TBC1D17: variants seen among roughly 807,000 people sequenced by gnomAD.
TBC1D17 encodes the protein TBC1 domain family, member 17.
A neutral mutation model predicts 78.8 loss-of-function variants in TBC1D17; 69 were observed. The ratio of observed to expected loss-of-function variants is 0.88; its 90% CI spans 0.72 to 1.07. The LOEUF (loss-of-function observed/expected upper bound fraction) is 1.07. Ranked by LOEUF, TBC1D17 falls within the 50% of genes least tolerant of loss-of-function variation. The probability of loss-of-function intolerance (pLI) is 0.00; values close to 1 mark genes in which losing one functional copy is unlikely to be tolerated. For synonymous variants in TBC1D17, 456 were observed against 358.3 expected (o/e 1.27, Z -3.08); for missense variants, 957 against 861.0 (o/e 1.11, Z -1.39).
Position 49,888,557 on chromosome 19 carries a change from C to T in TBC1D17, c.1880C>T (p.Thr627Ile), listed in dbSNP as rs1467375987. The change falls in exon 17 of 17, where the codon ACA becomes ATA. Residue 627 changes from threonine to isoleucine, a missense_variant. By Grantham distance (89) the Thr-to-Ile change is moderately conservative. Coordinates refer to ENST00000221543, the MANE Select transcript of TBC1D17 (RefSeq NM_024682.3). ...CCCACCCCGCCGCCCTCCACGGACACAGCCCCGCAGCCCGACAGCAGCCTG... is the reference window on the plus strand; with the variant it reads ...CCCACCCCGCCGCCCTCCACGGACATAGCCCCGCAGCCCGACAGCAGCCTG... ...APPTPPPSTD[T>I]APQPDSSLEI... 2.0e-6 allele frequency: 3 copies of T among 1,535,050 alleles called. No individual in the cohort carries two copies. Among genetic ancestry groups the T allele is most frequent in the Middle Eastern group, 1.8e-4 (1 of 5,614 alleles).
chr19:49,880,833 A>T (rs1045497720), intron 4 of TBC1D17, among the ~76,000 whole-genome samples: 1 of 151,844 alleles, frequency 6.6e-6, no homozygotes, highest in African/African-American at 2.4e-5. Flanking sequence ...GCACTGAGGG[A>T]CTCTTGGGAG....
chr19:49,880,742 G>T (rs1169536952), intron 4 of TBC1D17, among the ~76,000 whole-genome samples: 1 of 152,234 alleles, frequency 6.6e-6, no homozygotes. Flanking sequence ...GTCACACAGG[G>T]TGCAGGGGAC....
intron 15 of TBC1D17, 171 bp downstream of exon 15, chr19:49,888,005 G>A: frequency 1.1e-6 from 1 of 920,110 alleles, no homozygotes; most frequent in Non-Finnish European, 1.6e-6. Context: ...TGCCATGCCT[G>A]CTCCCAGCAA....
At chr19:49,887,600 C>G (rs773585832) in intron 14 of TBC1D17, 27 bp downstream of exon 14, 1 of 1,612,896 alleles carries the variant, frequency 6.2e-7, no homozygotes, top group Non-Finnish European at 8.5e-7. Flanking sequence ...GGGCGAGAGG[C>G]CTGAAGGGGT....
At chr19:49,887,267 G>A (rs2075066305) in intron 13 of TBC1D17, 1 of 571,758 alleles carries the variant, frequency 1.7e-6, no homozygotes, top group South Asian at 2.0e-5. Flanking sequence ...TGGCAGATGT[G>A]GAAGTATAAT....
Position 49,882,796 on chromosome 19 carries a change from G to A in TBC1D17, c.831G>A (p.Arg277=), listed in dbSNP as rs2075027069. The A allele has an allele frequency of 6.2e-7, 1 of 1,603,276 alleles. No individual in the cohort carries two copies. The highest frequency in any genetic ancestry group is 8.5e-7 in the Non-Finnish European group (1 of 1,174,748). Residue 277 remains arginine (R), a synonymous_variant, in exon 8 of 17, where the codon CGG becomes CGA. Coordinates refer to ENST00000221543, the MANE Select transcript of TBC1D17 (RefSeq NM_024682.3). The stretch of plus-strand genomic sequence containing the variant: ...TGGGGCCTCGGCCAACCGTGGAGCG[G>A]GGCCCTCCAGTTACAGAGGAGGAGT... ...VELGPRPTVE[R]GPPVTEEEWA...
Position 49,882,367 on chromosome 19 carries a change from T to C in TBC1D17, c.765T>C (p.Asp255=), listed in dbSNP as rs1600447944. ...CCGACCTTCCCCCGCCACCCGACGATGAGCCCGAGCCTGGATTCGAGGTCA... is the reference window on the plus strand; with the variant it reads ...CCGACCTTCCCCCGCCACCCGACGACGAGCCCGAGCCTGGATTCGAGGTCA... ...AASDLPPPPD[D]EPEPGFEVIS... The change falls in exon 7 of 17, where the codon GAT becomes GAC. Residue 255 remains aspartate (D), a synonymous_variant. Coordinates refer to ENST00000221543, the MANE Select transcript of TBC1D17 (RefSeq NM_024682.3). 1 of 1,609,126 alleles carries C rather than the reference T, an allele frequency of 6.2e-7. No individual in the cohort carries two copies. Among genetic ancestry groups the C allele is most frequent in the Non-Finnish European group, 8.5e-7 (1 of 1,179,936 alleles).
In TBC1D17 at chr19:49,887,838, AGGCTCC is replaced by A. The variant is rs779029747; in HGVS notation, c.1659+8_1659+13del. ...CGGCTCCAATGAGATCCTCAAGGTG[AGGCTCC>A]GGCCCCGCCCCCGCCCTGTCCCCCC... On this transcript the variant is annotated splice_donor_5th_base_variant and intron_variant, in intron 15 of 16. Transcript: ENST00000221543. 5 of 1,604,320 alleles carry A rather than the reference AGGCTCC, an allele frequency of 3.1e-6. No homozygotes were observed. The highest frequency in any genetic ancestry group is 4.3e-6 in the Non-Finnish European group (5 of 1,176,216).
chr19:49,878,931 C>T (rs767265154), intron 3 of TBC1D17: 6 of 259,030 alleles, frequency 2.3e-5, no homozygotes, highest in Non-Finnish European at 3.8e-5. Context: ...TACTCACCCA[C>T]TTCGTCACTG....
chr19:49,878,232 C>T lies in TBC1D17; in HGVS notation c.111C>T (p.Val37=), dbSNP rs981080546. 5 of 1,558,118 alleles carry T rather than the reference C, an allele frequency of 3.2e-6. No individual in the cohort carries two copies. In the South Asian group the frequency reaches 3.5e-5, roughly 11 times the overall value. The change falls in exon 2 of 17, where the codon GTC becomes GTT. Residue 37 remains valine, a synonymous_variant. Coordinates refer to ENST00000221543, the MANE Select transcript of TBC1D17 (RefSeq NM_024682.3). ...CTCTCATCGCTGGTGTCATCCGTGT[C>T]GTGGAAAAGGTGCGCTGGGAGGGAG... ...RDSLIAGVIR[V]VEKDNDVLLH... is the part of the protein sequence containing the mutation.
chr19:49,877,954 C>A, intron 1 of TBC1D17, 189 bp from the exon 2 acceptor site: 1 of 731,368 alleles, frequency 1.4e-6, no homozygotes, highest in Non-Finnish European at 2.2e-6. Context: ...CTCCTTGAGC[C>A]CTGCCCCCTG....
rs149037538 is a variant in TBC1D17 at position 49,883,207 on chromosome 19, G to A, written c.1031+131G>A. 102 of 795,960 alleles carry A rather than the reference G, an allele frequency of 1.3e-4. No individual in the cohort carries two copies. The African/African-American group carries it at 1.6e-3, about 13-fold the overall frequency. 49.3% of individuals were successfully genotyped at this position (795,960 alleles called of 1,614,324 possible). On this transcript the variant is annotated intron_variant, in intron 9 of 16. Coordinates refer to ENST00000221543, the MANE Select transcript of TBC1D17 (RefSeq NM_024682.3). ...GCACCATCCTGCGCCTGTGGAATAC[G>A]GCAATGATCAAGCCAGACCCATCCT...
chr19:49,885,998 AG>A, intron 13 of TBC1D17, among the ~76,000 whole-genome samples: 1 of 145,122 alleles, frequency 6.9e-6, no homozygotes, highest in Non-Finnish European at 1.5e-5. Flanking sequence ...AAAAAAAAAA[AG>A]GTCGGGTGTG....
intron 7 of TBC1D17, 125 bp from the exon 8 acceptor site, chr19:49,882,639 G>A: frequency 4.2e-6 from 6 of 1,416,984 alleles, no homozygotes; most frequent in Non-Finnish European, 5.5e-6. Flanking sequence ...GGAAGAGGCT[G>A]CTGCCTGCCC....
chr19:49,882,890 G>C lies in TBC1D17; in HGVS notation c.925G>C (p.Gly309Arg), dbSNP rs780254431. ...TGAGCTGAAGAACCGGATCTTCTCG[G>C]GGGTGAGTGCCAGGACAGGTGGAAG... Reference protein sequence around the residue: ...VPELKNRIFSGGLSPSLRREA... With the variant: ...VPELKNRIFSRGLSPSLRREA... Residue 309 changes from glycine to arginine, a missense_variant and splice_region_variant, in exon 8 of 17, where the codon GGG becomes CGG. Coordinates refer to ENST00000221543, the MANE Select transcript of TBC1D17 (RefSeq NM_024682.3). 1.2e-6 allele frequency: 2 copies of C among 1,606,382 alleles called. No homozygotes were observed. Among genetic ancestry groups the C allele is most frequent in the East Asian group, 2.2e-5 (1 of 44,768 alleles).
rs201954182 is a variant in TBC1D17, at chr19:49,881,456, C to T, written c.508C>T (p.Arg170Cys). ...GTRALLRVLS[R>C]YLLLASSPQD... ...CCGCGCCCTGCTCCGCGTCCTCAGC[C>T]GCTACCTGCTGTTGGCCAGGTGAGC... The change falls in exon 5 of 17, where the codon CGC becomes TGC. Residue 170 changes from arginine (R) to cysteine (C), a missense_variant. Arg to Cys is a radical substitution (Grantham distance 180). Transcript: ENST00000221543. 7.9e-5 allele frequency: 127 copies of T among 1,609,968 alleles called. 2 individuals carry two copies. Among genetic ancestry groups the T allele is most frequent in the East Asian group, 1.8e-4 (8 of 44,866 alleles).
Position 49,880,415 on chromosome 19 carries a change from G to A in TBC1D17, c.319+13G>A. ...GAGCCCACGAGAGGTAGGCTGAGGT[G>A]GCGGCCCTTGAGAAGCACGTGTGGG... On this transcript the variant is annotated intron_variant, in intron 4 of 16. Transcript: ENST00000221543. 1 of 1,612,426 alleles carries A rather than the reference G, an allele frequency of 6.2e-7. No homozygotes were observed. Among genetic ancestry groups the A allele is most frequent in the East Asian group, 2.2e-5 (1 of 44,824 alleles).
Position 49,881,394 on chromosome 19 carries a change from G to C in TBC1D17, c.446G>C (p.Gly149Ala), listed in dbSNP as rs1600446170. The C allele has an allele frequency of 6.2e-7, 1 of 1,613,018 alleles. No homozygotes were observed. The highest frequency in any genetic ancestry group is 1.7e-5 in the Admixed American group (1 of 59,980). Residue 149 changes from glycine to alanine, a missense_variant, in exon 5 of 17, where the codon GGT becomes GCT. Gly to Ala is a moderately conservative substitution (Grantham distance 60). Transcript: ENST00000221543. ...AYLVLVTQAG[G>A]SLPALHFHRG... ...CTGGTTCTGGTGACCCAGGCTGGAGGTTCCCTGCCCGCACTGCACTTCCAC... is the reference window on the plus strand; with the variant it reads ...CTGGTTCTGGTGACCCAGGCTGGAGCTTCCCTGCCCGCACTGCACTTCCAC...
At chr19:49,880,797 C>T (rs1201577310) in intron 4 of TBC1D17, among the ~76,000 whole-genome samples, 2 of 152,168 alleles carry the variant, frequency 1.3e-5, no homozygotes, top group African/African-American at 4.8e-5. Flanking sequence ...GAGATTCCTT[C>T]CAGGAAGAGG....
Sources: allele counts gnomAD v4.1 joint callset (sites outside exome capture counted in the v4.1 genomes callset), GRCh38; gene constraint gnomAD v4.1.1; transcripts MANE v1.5; gene names NCBI Gene and HGNC (gene_info 2026-07-23, HGNC 2026-07-21).